NCKAP1L: variants seen among roughly 807,000 people sequenced by gnomAD.
NCKAP1L encodes nck-associated protein 1-like.
Under a neutral mutation model 139.2 loss-of-function variants are expected in NCKAP1L, and 53 were observed. The observed-to-expected ratio is 0.38, with a 90% confidence interval of 0.31 to 0.48. The LOEUF is 0.48. Ranked by LOEUF, NCKAP1L falls within the 20% of genes least tolerant of loss-of-function variation. NCKAP1L has a pLI of 0.98. For synonymous variants in NCKAP1L, 468 were observed against 499.7 expected, an observed-to-expected ratio of 0.94 and a Z score of 0.85; for missense variants, 1,151 against 1,381.9, an observed-to-expected ratio of 0.83 and a Z score of 2.65.
chr12:54,505,665 C>CT (rs1304054402), intron 3 of NCKAP1L, among the ~76,000 whole-genome samples: 3 of 35,360 alleles, frequency 8.5e-5, no homozygotes. Flanking sequence ...ACCCCGTCCT[C>CT]CCTTTTTTTT....
intron 21 of NCKAP1L, among the ~76,000 whole-genome samples, chr12:54,527,474 T>C (rs1181202923): frequency 3.3e-5 from 5 of 152,182 alleles, no homozygotes; most frequent in Admixed American, 1.3e-4. Flanking sequence ...AATACCCCTC[T>C]AAAGGGAACA....
chr12:54,523,480 G>A lies in NCKAP1L; in HGVS notation c.1965G>A (p.Glu655=), dbSNP rs767158636. 4.3e-6 allele frequency: 7 copies of A among 1,614,118 alleles called. No individual in the cohort carries two copies. In the East Asian group the frequency reaches 1.3e-4, roughly 31 times the overall value. The change falls in exon 19 of 31, where the codon GAG becomes GAA. Residue 655 remains glutamate, a synonymous_variant. Coordinates refer to ENST00000293373, the MANE Select transcript of NCKAP1L (RefSeq NM_005337.5). ...RKQRQTPRKG[E]PERDKPGAES... The stretch of plus-strand genomic sequence containing the variant: ...AGAGGCAGACTCCCAGAAAAGGAGA[G>A]CCCGAGAGGGACAAGCCAGGAGCTG...
At chr12:54,538,710 T>C (rs1278358436) in intron 29 of NCKAP1L, among the ~76,000 whole-genome samples, 174 bp from the exon 30 acceptor site, 2 of 152,232 alleles carry the variant, frequency 1.3e-5, no homozygotes, top group African/African-American at 4.8e-5. Flanking sequence ...GGCTGGCTTA[T>C]AGGCAACATG....
intron 7 of NCKAP1L, among the ~76,000 whole-genome samples, chr12:54,511,077 C>T (rs181578088): frequency 1.3e-5 from 2 of 152,312 alleles, no homozygotes; most frequent in East Asian, 3.9e-4. Flanking sequence ...ACTGATGGTA[C>T]ATGATTAGTG....
chr12:54,523,709 A>G, intron 19 of NCKAP1L, 116 bp from the exon 20 acceptor site: 2 of 1,457,122 alleles, frequency 1.4e-6, no homozygotes, highest in South Asian at 1.4e-5. Flanking sequence ...GTCTACATCA[A>G]TGTGTACTCT....
chr12:54,538,109 C>A (rs1291676874), intron 29 of NCKAP1L, among the ~76,000 whole-genome samples: 1 of 152,150 alleles, frequency 6.6e-6, no homozygotes, highest in Admixed American at 6.5e-5. Flanking sequence ...AGAACCAGGG[C>A]CTCATCTGTC....
intron 3 of NCKAP1L, among the ~76,000 whole-genome samples, chr12:54,506,824 T>TATATATATATATATATATATATA (rs71070825): frequency 2.2e-5 from 3 of 137,796 alleles, no homozygotes; most frequent in Admixed American, 7.4e-5. Flanking sequence ...TATATATATA[T>TATATATATATATATATATATATA]TCCTTAATCT....
At chr12:54,520,384 T>G (rs767622170) in intron 16 of NCKAP1L, among the ~76,000 whole-genome samples, 1 of 152,188 alleles carries the variant, frequency 6.6e-6, no homozygotes, top group African/African-American at 2.4e-5. Context: ...GCCCAAATCA[T>G]GCCAAGGTTC....
At chr12:54,526,143 T>C (rs1194659668) in intron 20 of NCKAP1L, among the ~76,000 whole-genome samples, 2 of 152,172 alleles carry the variant, frequency 1.3e-5, no homozygotes, top group African/African-American at 2.4e-5. Flanking sequence ...ATACTTTCAC[T>C]GGGAATGCAG....
At chr12:54,534,179 G>T (rs1176398244) in intron 26 of NCKAP1L, among the ~76,000 whole-genome samples, 1 of 152,222 alleles carries the variant, frequency 6.6e-6, no homozygotes, top group Non-Finnish European at 1.5e-5. Context: ...CATTTTCTCT[G>T]TTAGTCACTA....
intron 16 of NCKAP1L, 21 bp downstream of exon 16, chr12:54,519,353 C>G (rs757400237): frequency 6.9e-7 from 1 of 1,443,532 alleles, no homozygotes; most frequent in Non-Finnish European, 9.1e-7. Context: ...GTTCAGAGCT[C>G]TCTTTAAAAA....
At chr12:54,508,030 T>A (rs1956857233) in intron 4 of NCKAP1L, 121 bp downstream of exon 4, 4 of 865,564 alleles carry the variant, frequency 4.6e-6, no homozygotes, top group Non-Finnish European at 7.7e-6. Flanking sequence ...GCTATTTTGT[T>A]TATTCCTTCT....
At chr12:54,526,192 G>C (rs898686549) in intron 20 of NCKAP1L, among the ~76,000 whole-genome samples, 3 of 152,164 alleles carry the variant, frequency 2.0e-5, no homozygotes, top group African/African-American at 7.2e-5. Context: ...TGGAATTAGA[G>C]AGCCCAGGTC....
chr12:54,535,464 T>C (rs1248144165), intron 27 of NCKAP1L, among the ~76,000 whole-genome samples: 1 of 152,196 alleles, frequency 6.6e-6, no homozygotes, highest in African/African-American at 2.4e-5. Context: ...GAGAGTCTGT[T>C]TGGTGCTCTG....
intron 10 of NCKAP1L, among the ~76,000 whole-genome samples, 183 bp downstream of exon 10, chr12:54,516,478 G>T (rs1294730196): frequency 2.1e-5 from 3 of 146,196 alleles, no homozygotes; most frequent in African/African-American, 7.7e-5. Flanking sequence ...ACAGAGTCTC[G>T]CTCTGTTGCC....
At chr12:54,508,720 G>A (rs1278267488) in intron 5 of NCKAP1L, among the ~76,000 whole-genome samples, 189 bp downstream of exon 5, 5 of 152,128 alleles carry the variant, frequency 3.3e-5, no homozygotes, top group Admixed American at 1.3e-4. Flanking sequence ...TTTGAACTAC[G>A]CAGGTCCACT....
Position 54,538,978 on chromosome 12 carries a change from G to A in NCKAP1L, c.3273+5G>A. The A allele has an allele frequency of 1.2e-6, 2 of 1,613,220 alleles. No individual in the cohort carries two copies. The highest frequency in any genetic ancestry group is 1.7e-6 in the Non-Finnish European group (2 of 1,179,294). ...ATTTCTCTGCTCATGCGCTTGGTAA[G>A]TACCTTATTTAAATTGGTGTGAGAA... On this transcript the variant is annotated splice_donor_5th_base_variant and intron_variant, in intron 30 of 30. Transcript: ENST00000293373.
rs185008467 is a variant in NCKAP1L at position 54,497,928 on chromosome 12, A to C, written c.102+37A>C. Reference sequence around the variant, plus strand: ...CAATGGGACTAGTACTGATTATTCCAACAATAATAGGGCAGGGAACCCTGA... The same window carrying C: ...CAATGGGACTAGTACTGATTATTCCCACAATAATAGGGCAGGGAACCCTGA... On this transcript the variant is annotated intron_variant, in intron 1 of 30. Coordinates refer to ENST00000293373, the MANE Select transcript of NCKAP1L (RefSeq NM_005337.5). The C allele has an allele frequency of 4.1e-5, 55 of 1,341,606 alleles. No individual in the cohort carries two copies. In the African/African-American group the frequency reaches 7.3e-4, roughly 18 times the overall value. 83.1% of individuals were successfully genotyped at this position (1,341,606 alleles called of 1,614,324 possible). A position where few individuals can be genotyped will look rare whatever the true frequency, so the allele number is the denominator to read the frequency against.
At chr12:54,532,087 C>CTTT (rs35753004) in intron 25 of NCKAP1L, 83 bp from the exon 26 acceptor site, 63 of 878,860 alleles carry the variant, frequency 7.2e-5, no homozygotes, top group South Asian at 1.2e-4. Context: ...AGTGCCCCTC[C>CTTT]TTTTTTTTTT....
Sources: gnomAD v4.1 joint callset for allele counts (sites outside exome capture counted in the v4.1 genomes callset) on GRCh38, gnomAD v4.1.1 for gene constraint, MANE v1.5 for transcripts, NCBI Gene and HGNC (gene_info 2026-07-23, HGNC 2026-07-21) for gene names.